Variants in SLURP2 observed in about 807,000 individuals in gnomAD.
The protein encoded by SLURP2 is secreted LY6/PLAUR domain containing 2.
SLURP2 carries 4 observed loss-of-function variants against 9.8 expected under a neutral mutation model. The observed-to-expected ratio is 0.41, with a 90% CI of 0.20 to 0.94. The LOEUF (loss-of-function observed/expected upper bound fraction) is 0.94, where lower values mean the gene tolerates loss of function less well. SLURP2 is among the 40% of genes least tolerant of loss of function. SLURP2 has a pLI of 0.32. For missense variants in SLURP2, 118 were observed against 126.4 expected, an observed-to-expected ratio of 0.93 and a Z score of 0.32; for synonymous variants, 58 against 56.2, an observed-to-expected ratio of 1.03 and a Z score of -0.15.
intron 2 of SLURP2, 114 bp from the exon 3 acceptor site, chr8:142,764,855 C>G (rs1035165161): frequency 7.4e-7 from 1 of 1,357,598 alleles, no homozygotes; most frequent in Admixed American, 2.0e-5. Context: ...ATGAAGCATA[C>G]GGGCCCTCCT....
Position 142,768,228 on chromosome 8 carries a change from G to GGGTGGGGGGGAGGGGGC in SLURP2, c.52+1510_52+1526dup, listed in dbSNP as rs1815063205. On this transcript the variant is annotated intron_variant, in intron 1 of 2. Coordinates refer to ENST00000317543, the MANE Select transcript of SLURP2 (RefSeq NM_177458.3). This position sits in a 1 kb window ranked among gnomAD's most constrained non-coding sequence, Gnocchi z 4.8. ...AGGAATAGAGAGGAGGAGGGAGGTG[G>GGGTGGGGGGGAGGGGGC]GGTGGGGGGGAGGGGGCAGGAATAA... 7.0e-6 allele frequency among the ~76,000 whole-genome samples: 1 copy of GGGTGGGGGGGAGGGGGC among 142,630 alleles called. No homozygotes were observed. Among genetic ancestry groups the GGGTGGGGGGGAGGGGGC allele is most frequent in the Admixed American group, 7.0e-5 (1 of 14,338 alleles). The allele number at this position is 142,630 out of a possible 152,430, so 93.6% of individuals were successfully genotyped here.
chr8:142,766,918 G>T lies in SLURP2; in HGVS notation c.53-1778C>A, dbSNP rs141021645. On this transcript the variant is annotated intron_variant, in intron 1 of 2. Transcript: ENST00000317543. ...TGGCTTCCTCTTGAGCTGTGCCCCA[G>T]GCAGCCCAGCCTCAGGACACAGGAG... Among the ~76,000 whole-genome samples the T allele has an allele frequency of 2.4e-3, 360 of 152,276 alleles. 2 individuals carry two copies. Among genetic ancestry groups the T allele is most frequent in the Middle Eastern group, 0.01 (3 of 294 alleles).
rs1361633996 is a variant in SLURP2, at chr8:142,768,125, G to A, written c.52+1630C>T. On this transcript the variant is annotated intron_variant, in intron 1 of 2. Coordinates refer to ENST00000317543, the MANE Select transcript of SLURP2 (RefSeq NM_177458.3). This position sits in a 1 kb window ranked among gnomAD's most constrained non-coding sequence, Gnocchi z 4.8. ...TCAGACTGGCGCCTGACACACGGGA[G>A]GGAGGGGAGATCAGGGGGAGAAGAG... 6.6e-6 allele frequency among the ~76,000 whole-genome samples: 1 copy of A among 151,126 alleles called. No homozygotes were observed. Among genetic ancestry groups the A allele is most frequent in the African/African-American group, 2.4e-5 (1 of 41,004 alleles).
Position 142,764,543 on chromosome 8 carries a change from C to A in SLURP2, c.*62G>T, listed in dbSNP as rs761625923. 1.3e-6 allele frequency: 2 copies of A among 1,568,880 alleles called. No individual in the cohort carries two copies. The highest frequency in any genetic ancestry group is 1.7e-6 in the Non-Finnish European group (2 of 1,154,700). On this transcript the variant is annotated 3_prime_UTR_variant, in exon 3 of 3. Coordinates refer to ENST00000317543, the MANE Select transcript of SLURP2 (RefSeq NM_177458.3). ...CTCGAGGGAGGGGCAGCTGTGAGCC[C>A]TGGCGCCAGGCTGTGGGGGCTGTGG...
At position 142,765,733 on chromosome 8, in the gene SLURP2, G is replaced by A. The variant is rs184573587; in HGVS notation, c.53-593C>T. Among the ~76,000 whole-genome samples, 120 of 152,292 alleles carry A rather than the reference G, an allele frequency of 7.9e-4. No individual in the cohort carries two copies. In the East Asian group the frequency reaches 0.017, roughly 22 times the overall value. On this transcript the variant is annotated intron_variant, in intron 1 of 2. Coordinates refer to ENST00000317543, the MANE Select transcript of SLURP2 (RefSeq NM_177458.3). ...CCCAGCACTTTGGGAGGCCGAGGTG[G>A]GTGGATCACTTGAGGTCAGAAGTTC...
intron 2 of SLURP2, 147 bp from the exon 3 acceptor site, chr8:142,764,888 C>A: frequency 2.6e-6 from 3 of 1,174,530 alleles, no homozygotes; most frequent in South Asian, 1.3e-5. Context: ...GCCCTTTGCT[C>A]ATACCCTTCC....
chr8:142,765,392 C>T (rs1023787425), intron 1 of SLURP2, among the ~76,000 whole-genome samples: 1 of 151,836 alleles, frequency 6.6e-6, no homozygotes, highest in South Asian at 2.1e-4. Context: ...AGGGTGGGGC[C>T]GGGCAGCCCT....
chr8:142,765,974 CAAAAAA>C (rs984774330), intron 1 of SLURP2, among the ~76,000 whole-genome samples: 24 of 73,526 alleles, frequency 3.3e-4, no homozygotes, highest in African/African-American at 1.0e-3. Flanking sequence ...AAAAAAAAAA[CAAAAAA>C]CAAAAAACAA....
In SLURP2 at chr8:142,769,758, G is replaced by A. The variant is rs373986941; in HGVS notation, c.49C>T (p.Leu17=). ...TGGCCCCAGCCCCTGGACTCACCCAGCTGCAGGCTCAGGACGGCGGCCAGC... is the reference window on the plus strand; with the variant it reads ...TGGCCCCAGCCCCTGGACTCACCCAACTGCAGGCTCAGGACGGCGGCCAGC... The part of the protein sequence containing the change: ...LLLAAVLSLQ[L]AAAEAIWCHQ... Residue 17 remains leucine, a synonymous_variant, in exon 1 of 3, where the codon CTG becomes TTG. Coordinates refer to ENST00000317543, the MANE Select transcript of SLURP2 (RefSeq NM_177458.3). 1 of 1,603,024 alleles carries A rather than the reference G, an allele frequency of 6.2e-7. No homozygotes were observed. Among genetic ancestry groups the A allele is most frequent in the Non-Finnish European group, 8.5e-7 (1 of 1,176,404 alleles).
intron 1 of SLURP2, among the ~76,000 whole-genome samples, chr8:142,767,900 A>AAATGAATGAATGAATG (rs60268524): frequency 1.1e-4 from 15 of 140,660 alleles, no homozygotes; most frequent in Admixed American, 2.6e-4. Flanking sequence ...ATGAATGAAT[A>AAATGAATGAATGAATG]AATGAATGAA....
intron 1 of SLURP2, among the ~76,000 whole-genome samples, chr8:142,765,370 C>G (rs1488195798): frequency 6.6e-6 from 1 of 152,134 alleles, no homozygotes; most frequent in Non-Finnish European, 1.5e-5. Flanking sequence ...GCCCAGGAAG[C>G]AGCCTTGGGC....
At chr8:142,767,316 C>T (rs1400227462) in intron 1 of SLURP2, among the ~76,000 whole-genome samples, 1 of 152,228 alleles carries the variant, frequency 6.6e-6, no homozygotes, top group Non-Finnish European at 1.5e-5. Context: ...CAGCTGCCTC[C>T]AAGCCCCTCT....
rs1815071651 is a variant in SLURP2, at chr8:142,768,433, TGA to T, written c.52+1320_52+1321del. Among the ~76,000 whole-genome samples, 1 of 152,000 alleles carries T rather than the reference TGA, an allele frequency of 6.6e-6. No homozygotes were observed. Among genetic ancestry groups the T allele is most frequent in the Admixed American group, 6.5e-5 (1 of 15,280 alleles). ...CAATGACAGGGGATGCAGGTGCCCC[TGA>T]GAGAGGCTCGCCAGTCCTCCAACCG... is the stretch of plus-strand genomic sequence containing the variant. On this transcript the variant is annotated intron_variant, in intron 1 of 2. Coordinates refer to ENST00000317543, the MANE Select transcript of SLURP2 (RefSeq NM_177458.3). This position sits in a 1 kb window ranked among gnomAD's most constrained non-coding sequence, Gnocchi z 4.8.
intron 1 of SLURP2, among the ~76,000 whole-genome samples, chr8:142,765,969 AAAAAC>A (rs200191799): frequency 0.28 from 39,863 of 142,632 alleles, 5,672 homozygotes; most frequent in Non-Finnish European, 0.32. Context: ...CCTCAAAAAA[AAAAAC>A]AAAAAACAAA....
At position 142,764,392 on chromosome 8, in the gene SLURP2, G is replaced by A. The variant is rs1250917811; in HGVS notation, c.*213C>T. On this transcript the variant is annotated 3_prime_UTR_variant, in exon 3 of 3. Coordinates refer to ENST00000317543, the MANE Select transcript of SLURP2 (RefSeq NM_177458.3). ...TGTGGGGAGGTCGGGACCTGAAGGG[G>A]CGGCAGGCACGATGGGCCCCAGGCT... 4 of 670,714 alleles carry A rather than the reference G, an allele frequency of 6.0e-6. No individual in the cohort carries two copies. The highest frequency in any genetic ancestry group is 1.6e-5 in the South Asian group (1 of 61,930). 41.5% of individuals were successfully genotyped at this position (670,714 alleles called of 1,614,324 possible).
rs1587602867 is a variant in SLURP2, at chr8:142,765,126, T to C, written c.67A>G (p.Ile23Val). 1 of 1,609,490 alleles carries C rather than the reference T, an allele frequency of 6.2e-7. No individual in the cohort carries two copies. The highest frequency in any genetic ancestry group is 1.7e-5 in the Admixed American group (1 of 59,674). The change falls in exon 2 of 3, where the codon ATA becomes GTA. Residue 23 changes from isoleucine to valine, a missense_variant. Ile to Val is a conservative substitution (Grantham distance 29). Transcript: ENST00000317543. ...AAGCCCGTGCACTGGTGACACCATA[T>C]GGCTTCGGCTGCAGCTGCGGACATG... ...LSLQLAAAEA[I>V]WCHQCTGFGG...
Position 142,765,043 on chromosome 8 carries a change from A to G in SLURP2, c.150T>C (p.Thr50=). ...CLRDSTHCVT[T]ATRVLSNTED... ...ACCACTGTTCCCACTTACGGGTGGC[A>G]GTGGTGACACAGTGGGTGGAGTCCC... Residue 50 remains threonine (T), a synonymous_variant, in exon 2 of 3, where the codon ACT becomes ACC. Coordinates refer to ENST00000317543, the MANE Select transcript of SLURP2 (RefSeq NM_177458.3). 6.2e-7 allele frequency: 1 copy of G among 1,611,110 alleles called. No homozygotes were observed. The highest frequency in any genetic ancestry group is 8.5e-7 in the Non-Finnish European group (1 of 1,178,790).
intron 2 of SLURP2, 86 bp downstream of exon 2, chr8:142,764,950 C>G (rs1814952008): frequency 7.9e-7 from 1 of 1,271,386 alleles, no homozygotes; most frequent in African/African-American, 1.5e-5. Flanking sequence ...TACTGGGTGC[C>G]TGGATCTGGC....
At chr8:142,765,420 C>T (rs373396651) in intron 1 of SLURP2, among the ~76,000 whole-genome samples, 2 of 151,796 alleles carry the variant, frequency 1.3e-5, no homozygotes, top group East Asian at 1.9e-4. Context: ...AGTGTGATGT[C>T]CCAGGGCAGT....
Sources: allele counts gnomAD v4.1 joint callset (sites outside exome capture counted in the v4.1 genomes callset), GRCh38; gene constraint gnomAD v4.1.1; non-coding constraint Gnocchi (gnomAD v3.1); transcripts MANE v1.5; gene names NCBI Gene and HGNC (gene_info 2026-07-23, HGNC 2026-07-21).